The following ABCB10 variants were observed in gnomAD, a reference collection of about 807,000 sequenced individuals.
The protein encoded by ABCB10 is ATP-binding cassette sub-family B member 10, mitochondrial.
In ABCB10, 54 loss-of-function variants were observed where a neutral mutation model predicts 65.4. That is an observed-to-expected ratio of 0.83 (90% CI 0.66 to 1.04). The LOEUF (loss-of-function observed/expected upper bound fraction) is 1.04. Ranked by LOEUF, ABCB10 falls within the 50% of genes least tolerant of loss-of-function variation. ABCB10 has a pLI of 0.00. For missense variants in ABCB10, 846 were observed against 976.6 expected (o/e 0.87, Z 1.78); for synonymous variants, 418 against 406.5 (o/e 1.03, Z -0.34).
rs558545112 is a variant in ABCB10 at position 229,532,098 on chromosome 1, G to A, written c.1340-367C>T. The stretch of plus-strand genomic sequence containing the variant: ...CTCCCGAGTAGCTGGGATTACAGGC[G>A]CAAGCCACCAGGCCTGGCTAATTTT... On this transcript the variant is annotated intron_variant, in intron 6 of 12. Coordinates refer to ENST00000344517, the MANE Select transcript of ABCB10 (RefSeq NM_012089.3). Among the ~76,000 whole-genome samples, 4 of 152,038 alleles carry A rather than the reference G, an allele frequency of 2.6e-5. No homozygotes were observed. The East Asian group carries it at 5.8e-4, about 22-fold the overall frequency.
intron 1 of ABCB10, 138 bp downstream of exon 1, chr1:229,557,998 T>G: frequency 2.1e-6 from 2 of 963,522 alleles, no homozygotes; most frequent in Non-Finnish European, 2.7e-6. Context: ...CCCTCCCTCC[T>G]CCGGGGTTAG....
chr1:229,542,797 C>T (rs1015912228), intron 3 of ABCB10, among the ~76,000 whole-genome samples: 2 of 151,898 alleles, frequency 1.3e-5, no homozygotes, highest in Non-Finnish European at 2.9e-5. Context: ...CACAGCAACA[C>T]GTCCCATCAA....
intron 2 of ABCB10, among the ~76,000 whole-genome samples, chr1:229,548,484 T>C (rs950011925): frequency 1.1e-4 from 17 of 152,040 alleles, no homozygotes; most frequent in African/African-American, 3.9e-4. Context: ...GGTTCTCTCA[T>C]TATTGTGGCA....
At position 229,517,925 on chromosome 1, in the gene ABCB10, CAAGAA is replaced by C. The variant is rs1323018491; in HGVS notation, c.*249_*253del. The C allele has an allele frequency of 1.9e-5, 7 of 377,532 alleles. No homozygotes were observed. Among genetic ancestry groups the C allele is most frequent in the Admixed American group, 4.3e-5 (1 of 23,134 alleles). 23.4% of individuals were successfully genotyped at this position (377,532 alleles called of 1,614,324 possible). The stretch of plus-strand genomic sequence containing the variant: ...ATGCTATATTAATTAAAATATTCCA[CAAGAA>C]AAGAAAATACAAAACCTGAAAATAA... On this transcript the variant is annotated 3_prime_UTR_variant, in exon 13 of 13. Coordinates refer to ENST00000344517, the MANE Select transcript of ABCB10 (RefSeq NM_012089.3).
In ABCB10 at chr1:229,518,084, T is replaced by G; in HGVS notation, c.*95A>C. 1.1e-6 allele frequency: 1 copy of G among 876,342 alleles called. No individual in the cohort carries two copies. Among genetic ancestry groups the G allele is most frequent in the South Asian group, 1.7e-5 (1 of 59,494 alleles). 54.3% of individuals were successfully genotyped at this position (876,342 alleles called of 1,614,324 possible). A position where few individuals can be genotyped will look rare whatever the true frequency, so the allele number is the denominator to read the frequency against. On this transcript the variant is annotated 3_prime_UTR_variant, in exon 13 of 13. Transcript: ENST00000344517. ...AAAAATAGGTATTTTTCAAATAACTTGATATATGGTTTATGTATTTCATAG... is the reference window on the plus strand; with the variant it reads ...AAAAATAGGTATTTTTCAAATAACTGGATATATGGTTTATGTATTTCATAG...
At chr1:229,534,819 C>T (rs544660668) in intron 6 of ABCB10, among the ~76,000 whole-genome samples, 3 of 142,320 alleles carry the variant, frequency 2.1e-5, no homozygotes, top group African/African-American at 7.7e-5. Context: ...TTGCAGTGAG[C>T]CAAGACCGCG....
chr1:229,532,041 C>T (rs1662600711), intron 6 of ABCB10: 1 of 191,570 alleles, frequency 5.2e-6, no homozygotes, highest in Admixed American at 6.3e-5. Flanking sequence ...CAATCTCCAT[C>T]TCCCCAGTTC....
chr1:229,526,988 T>C (rs1414711130), intron 9 of ABCB10, among the ~76,000 whole-genome samples: 2 of 152,156 alleles, frequency 1.3e-5, no homozygotes, highest in Non-Finnish European at 2.9e-5. Flanking sequence ...GACTATCTAG[T>C]AATGGTAGTC....
intron 10 of ABCB10, among the ~76,000 whole-genome samples, chr1:229,525,413 A>G (rs1327174341): frequency 1.3e-5 from 2 of 152,232 alleles, no homozygotes; most frequent in East Asian, 1.9e-4. Context: ...TACTACTCAG[A>G]ATTTTTGGAA....
At chr1:229,548,565 A>G (rs1266077262) in intron 2 of ABCB10, among the ~76,000 whole-genome samples, 2 of 152,224 alleles carry the variant, frequency 1.3e-5, no homozygotes, top group Non-Finnish European at 2.9e-5. Flanking sequence ...CTGCTACTTA[A>G]GGAGAAACAC....
intron 6 of ABCB10, among the ~76,000 whole-genome samples, chr1:229,537,738 C>T (rs1408559636): frequency 6.6e-6 from 1 of 152,072 alleles, no homozygotes; most frequent in African/African-American, 2.4e-5. Flanking sequence ...TGCAGTGAGC[C>T]GACATCATGC....
chr1:229,537,222 T>C (rs1662741829), intron 6 of ABCB10, among the ~76,000 whole-genome samples: 1 of 152,214 alleles, frequency 6.6e-6, no homozygotes. Context: ...TAGATGGAGG[T>C]AGTGGTTGCA....
intron 11 of ABCB10, among the ~76,000 whole-genome samples, chr1:229,520,240 T>C (rs1662272330): frequency 6.6e-6 from 1 of 151,664 alleles, no homozygotes; most frequent in Admixed American, 6.6e-5. Flanking sequence ...GAGGCCAAGG[T>C]GGGTGGATCA....
At chr1:229,548,260 T>C (rs1054405922) in intron 2 of ABCB10, among the ~76,000 whole-genome samples, 4 of 152,176 alleles carry the variant, frequency 2.6e-5, no homozygotes, top group Non-Finnish European at 5.9e-5. Context: ...TGCCTCAGCC[T>C]CCCAAAGTGC....
intron 3 of ABCB10, among the ~76,000 whole-genome samples, chr1:229,545,766 C>T (rs1662950880): frequency 6.6e-6 from 1 of 152,204 alleles, no homozygotes; most frequent in African/African-American, 2.4e-5. Flanking sequence ...GTCTGAAATG[C>T]ATGGGTCAAC....
At chr1:229,540,470 G>C in intron 5 of ABCB10, 136 bp downstream of exon 5, 1 of 901,268 alleles carries the variant, frequency 1.1e-6, no homozygotes, top group South Asian at 2.2e-5. Flanking sequence ...TTTAAAGAAA[G>C]TCATTCTTGG....
intron 6 of ABCB10, 120 bp from the exon 7 acceptor site, chr1:229,531,851 A>T: frequency 2.8e-6 from 2 of 711,032 alleles, no homozygotes; most frequent in Non-Finnish European, 4.3e-6. Flanking sequence ...TAATATTTTC[A>T]AAAAACAACT....
rs1165457993 is a variant in ABCB10, at chr1:229,516,612, A to G, written c.*1567T>C. On this transcript the variant is annotated 3_prime_UTR_variant, in exon 13 of 13. Transcript: ENST00000344517. ...TTCACTATAAATTTTAATCTATGAT[A>G]TAAAATATTACCTAAAGATAAAATT... The G allele has an allele frequency of 6.6e-6, 1 of 152,182 alleles. No homozygotes were observed. The highest frequency in any genetic ancestry group is 2.4e-5 in the African/African-American group (1 of 41,456). 9.4% of individuals were successfully genotyped at this position (152,182 alleles called of 1,614,324 possible). A position where few individuals can be genotyped will look rare whatever the true frequency, so the allele number is the denominator to read the frequency against.
intron 12 of ABCB10, 75 bp downstream of exon 12, chr1:229,518,766 G>T: frequency 1.6e-6 from 2 of 1,240,612 alleles, no homozygotes; most frequent in Non-Finnish European, 2.3e-6. Context: ...TTGAGGTACA[G>T]AATTAAAAGT....
Sources: gnomAD v4.1 joint callset for allele counts (sites outside exome capture counted in the v4.1 genomes callset) on GRCh38, gnomAD v4.1.1 for gene constraint, MANE v1.5 for transcripts, NCBI Gene and HGNC (gene_info 2026-07-23, HGNC 2026-07-21) for gene names.